The following CRKL variants were observed in gnomAD, a reference collection of about 807,000 sequenced individuals.
CRKL encodes crk-like protein.
A neutral mutation model predicts 23.0 loss-of-function variants in CRKL; 3 were observed. The observed-to-expected ratio is 0.13, with a 90% CI of 0.06 to 0.34. The LOEUF is 0.34. Ranked by LOEUF, CRKL falls within the 10% of genes least tolerant of loss-of-function variation. CRKL has a pLI of 1.00. For synonymous variants in CRKL, 188 were observed against 160.7 expected (o/e 1.17, Z -1.28); for missense variants, 256 against 394.5 (o/e 0.65, Z 2.97).
chr22:20,949,526 C>T (rs982390916), intron 2 of CRKL, among the ~76,000 whole-genome samples, 185 bp from the exon 3 acceptor site: 8 of 152,150 alleles, frequency 5.3e-5, no homozygotes, highest in African/African-American at 1.7e-4. Flanking sequence ...CACTTGAGCC[C>T]AGGCGTTAGA....
chr22:20,925,516 G>C (rs890314508), intron 1 of CRKL, among the ~76,000 whole-genome samples: 1 of 152,056 alleles, frequency 6.6e-6, no homozygotes, highest in African/African-American at 2.4e-5. Context: ...CTTCGTCTCG[G>C]AAAACAAAAA....
intron 2 of CRKL, among the ~76,000 whole-genome samples, chr22:20,940,408 T>A (rs2147911010): frequency 6.6e-6 from 1 of 152,222 alleles, no homozygotes; most frequent in South Asian, 2.1e-4. Context: ...GAATTTGCCA[T>A]CTTTTGACAA....
chr22:20,921,553 A>G (rs1206462060), intron 1 of CRKL, among the ~76,000 whole-genome samples: 1 of 85,964 alleles, frequency 1.2e-5, no homozygotes, highest in Non-Finnish European at 2.6e-5. Flanking sequence ...GGTCAGAGAA[A>G]GCATGAAGCT....
intron 1 of CRKL, among the ~76,000 whole-genome samples, chr22:20,926,256 C>T (rs1221662336): frequency 6.6e-6 from 1 of 152,058 alleles, no homozygotes; most frequent in Non-Finnish European, 1.5e-5. Context: ...CAATGGGAGC[C>T]ATCTAAAGTT....
At chr22:20,945,623 C>G (rs1348007272) in intron 2 of CRKL, among the ~76,000 whole-genome samples, 2 of 152,136 alleles carry the variant, frequency 1.3e-5, no homozygotes, top group African/African-American at 4.8e-5. Context: ...AGATAGCATT[C>G]AGTTGTGGGT....
chr22:20,936,964 G>T (rs1029074465), intron 2 of CRKL, among the ~76,000 whole-genome samples: 4 of 151,804 alleles, frequency 2.6e-5, no homozygotes, highest in Non-Finnish European at 2.9e-5. Flanking sequence ...GGGCTCAAGC[G>T]ATTCTTCTGC....
chr22:20,928,786 T>C (rs13054581), intron 1 of CRKL, among the ~76,000 whole-genome samples: 111,015 of 143,712 alleles, frequency 0.77, 43,032 homozygotes, highest in East Asian at 0.92. Context: ...GCACTCTAGC[T>C]CGGGCAACAG....
rs1485057497 is a variant in CRKL, at chr22:20,930,506, A to C, written c.312-3273A>C. 2.0e-5 allele frequency among the ~76,000 whole-genome samples: 3 copies of C among 151,820 alleles called. No homozygotes were observed. The East Asian group carries it at 5.8e-4, about 29-fold the overall frequency. On this transcript the variant is annotated intron_variant, in intron 1 of 2. Transcript: ENST00000354336. ...GCAATTCTCTTCCCTCGGCCTCCCA[A>C]GTAGCTGGGCCTACAGGCGCACGCC...
rs570572934 is a variant in CRKL, at chr22:20,918,522, C to T, written c.311+277C>T. On this transcript the variant is annotated intron_variant, in intron 1 of 2. Coordinates refer to ENST00000354336, the MANE Select transcript of CRKL (RefSeq NM_005207.4). ...GGTGGTTGCATAGTTAAAATGCACG[C>T]TTTTTGCCTTTCGTGACTTTCTCTG... Among the ~76,000 whole-genome samples, 187 of 151,218 alleles carry T rather than the reference C, an allele frequency of 1.2e-3. 1 individual carries two copies. Among genetic ancestry groups the T allele is most frequent in the Middle Eastern group, 3.5e-3 (1 of 288 alleles).
At chr22:20,948,446 G>A (rs563282629) in intron 2 of CRKL, among the ~76,000 whole-genome samples, 3 of 151,958 alleles carry the variant, frequency 2.0e-5, no homozygotes, top group Non-Finnish European at 4.4e-5. Flanking sequence ...GGGGGCGTGG[G>A]GTTGGGGGAT....
intron 2 of CRKL, among the ~76,000 whole-genome samples, chr22:20,943,084 G>T (rs1473781830): frequency 1.3e-5 from 2 of 152,130 alleles, no homozygotes; most frequent in African/African-American, 4.8e-5. Flanking sequence ...TAGTAGGTGT[G>T]AAGTGGTATG....
rs539643269 is a variant in CRKL, at chr22:20,919,842, A to G, written c.311+1597A>G. 7.7e-4 allele frequency among the ~76,000 whole-genome samples: 115 copies of G among 150,170 alleles called. 1 individual carries two copies. The highest frequency in any genetic ancestry group is 1.3e-3 in the Admixed American group (19 of 14,970). On this transcript the variant is annotated intron_variant, in intron 1 of 2. Transcript: ENST00000354336. ...TGTTTGCATAGTGGGATAGAGATAG[A>G]AAAAAAAAAGCCATGACAGTATAAT...
In CRKL at chr22:20,921,403, T is replaced by G. The variant is rs118114459; in HGVS notation, c.311+3158T>G. Reference sequence around the variant, plus strand: ...AGAATTATAACCCAGTGTAACCCAGTGTAGGTACTGGGAAAGATGTGTGAC... The same window carrying G: ...AGAATTATAACCCAGTGTAACCCAGGGTAGGTACTGGGAAAGATGTGTGAC... On this transcript the variant is annotated intron_variant, in intron 1 of 2. Transcript: ENST00000354336. Among the ~76,000 whole-genome samples the G allele has an allele frequency of 3.9e-5, 6 of 152,362 alleles. No individual in the cohort carries two copies. The South Asian group carries it at 1.2e-3, about 32-fold the overall frequency.
rs544692305 is a variant in CRKL at position 20,949,691 on chromosome 22, T to G, written c.778-20T>G. The stretch of plus-strand genomic sequence containing the variant: ...TCTTGTTGCAGAGAAATGCTAACTT[T>G]GTCTTCTTCATCCATACAGGTTGGT... On this transcript the variant is annotated intron_variant, in intron 2 of 2. Coordinates refer to ENST00000354336, the MANE Select transcript of CRKL (RefSeq NM_005207.4). 3.7e-6 allele frequency: 6 copies of G among 1,607,920 alleles called. No individual in the cohort carries two copies. The highest frequency in any genetic ancestry group is 4.5e-5 in the East Asian group (2 of 44,786).
chr22:20,941,538 ATG>A (rs1187984983), intron 2 of CRKL, among the ~76,000 whole-genome samples: 1,494 of 49,998 alleles, frequency 0.03, 144 homozygotes, highest in Middle Eastern at 0.06. Flanking sequence ...TATATATTTT[ATG>A]TGTGTGTGTG....
intron 2 of CRKL, among the ~76,000 whole-genome samples, chr22:20,947,640 T>TTTTTC (rs139246875): frequency 1.9e-4 from 27 of 143,960 alleles, no homozygotes; most frequent in African/African-American, 5.1e-4. Context: ...GCGCCTAGGC[T>TTTTTC]TTTTCTTTTC....
At chr22:20,925,737 A>G (rs1191575279) in intron 1 of CRKL, among the ~76,000 whole-genome samples, 2 of 152,192 alleles carry the variant, frequency 1.3e-5, no homozygotes, top group East Asian at 1.9e-4. Flanking sequence ...TGCACACTCA[A>G]CGGTATTCGA....
At chr22:20,939,873 C>G (rs1048429407) in intron 2 of CRKL, among the ~76,000 whole-genome samples, 3 of 150,674 alleles carry the variant, frequency 2.0e-5, no homozygotes, top group African/African-American at 7.3e-5. Context: ...ACTGCACCCT[C>G]TACCTCCCAG....
At chr22:20,932,733 A>C (rs1223853799) in intron 1 of CRKL, among the ~76,000 whole-genome samples, 1 of 152,176 alleles carries the variant, frequency 6.6e-6, no homozygotes, top group East Asian at 1.9e-4. Flanking sequence ...GACAGTACAG[A>C]CTACAAAAAT....
Sources: gnomAD v4.1 joint callset for allele counts (sites outside exome capture counted in the v4.1 genomes callset) on GRCh38, gnomAD v4.1.1 for gene constraint, MANE v1.5 for transcripts, NCBI Gene and HGNC (gene_info 2026-07-23, HGNC 2026-07-21) for gene names.